The following PALM3 variants were observed in gnomAD, a reference collection of about 807,000 sequenced individuals.
The protein encoded by PALM3 is paralemmin 3, also known as paralemmin-3.
PALM3 carries 20 observed loss-of-function variants against 27.9 expected under a neutral mutation model. The observed-to-expected ratio is 0.72, with a 90% CI of 0.50 to 1.04. The LOEUF is 1.04. PALM3 is among the 50% of genes least tolerant of loss of function. The pLI, the probability that PALM3 is intolerant of heterozygous loss-of-function variation, is 0.00. For synonymous variants in PALM3, 328 were observed against 352.7 expected (o/e 0.93, Z 0.79); for missense variants, 814 against 869.4 (o/e 0.94, Z 0.80).
At position 14,054,951 on chromosome 19, in the gene PALM3, T is replaced by A. The variant is rs1331780198; in HGVS notation, c.721A>T (p.Arg241Trp). The A allele has an allele frequency of 1.3e-6, 2 of 1,549,690 alleles. No homozygotes were observed. Among genetic ancestry groups the A allele is most frequent in the East Asian group, 4.9e-5 (2 of 40,914 alleles). ...CCTGTGGCACAGTCCTCTGTGGCCCTCAGCCCTTCCCACACCACACTCACC... is the reference window on the plus strand; with the variant it reads ...CCTGTGGCACAGTCCTCTGTGGCCCACAGCCCTTCCCACACCACACTCACC... ...GVVSVVWEGL[R>W]ATEDCATGAT... The change falls in exon 7 of 7, where the codon AGG becomes TGG. Residue 241 changes from arginine to tryptophan, a missense_variant. By Grantham distance (101) the Arg-to-Trp change is moderately radical. Coordinates refer to ENST00000669674, the MANE Select transcript of PALM3 (RefSeq NM_001145028.2).
Position 14,054,280 on chromosome 19 carries a change from T to G in PALM3, c.1392A>C (p.Gly464=). ...TCTCTATGCCCAGTGGTTCCTCACC[T>G]CCTTCCCTCTCTGTTCCCAGCTTTT... ...SAEKLGTERE[G]GEEPLGIERK... is the part of the protein sequence containing the mutation. Residue 464 remains glycine, a synonymous_variant, in exon 7 of 7, where the codon GGA becomes GGC. Transcript: ENST00000669674. 6.4e-7 allele frequency: 1 copy of G among 1,552,214 alleles called. No homozygotes were observed. Among genetic ancestry groups the G allele is most frequent in the Non-Finnish European group, 8.7e-7 (1 of 1,147,100 alleles).
intron 2 of PALM3, among the ~76,000 whole-genome samples, chr19:14,057,953 C>T (rs1976341593): frequency 6.6e-6 from 1 of 152,030 alleles, no homozygotes; most frequent in South Asian, 2.1e-4. Context: ...ACTAAAAATA[C>T]AAAAATTAGC....
At position 14,054,807 on chromosome 19, in the gene PALM3, C is replaced by T. The variant is rs576725512; in HGVS notation, c.865G>A (p.Val289Met). The change falls in exon 7 of 7, where the codon GTG (valine) becomes ATG (methionine). Residue 289 changes from valine (V) to methionine (M), a missense_variant. Coordinates refer to ENST00000669674, the MANE Select transcript of PALM3 (RefSeq NM_001145028.2). ...CCCACCCCCTCCCAGACCACCTCCA[C>T]GATGCCCCTGTCCTCCTTCACCCAG... ...PAWVKEDRGI[V>M]EVVWEGVGGS... is the part of the protein sequence containing the mutation. The T allele has an allele frequency of 1.5e-5, 24 of 1,549,594 alleles. No homozygotes were observed. In the Admixed American group the frequency reaches 3.3e-4, roughly 22 times the overall value.
Position 14,053,567 on chromosome 19 carries a change from T to G in PALM3, c.*38A>C. On this transcript the variant is annotated 3_prime_UTR_variant, in exon 7 of 7. Coordinates refer to ENST00000669674, the MANE Select transcript of PALM3 (RefSeq NM_001145028.2). ...CTGGGTGCCAAGAGGCCGAGGTAGCTGTGAGAGGAGCTGGACATGGGGTGG... is the reference window on the plus strand; with the variant it reads ...CTGGGTGCCAAGAGGCCGAGGTAGCGGTGAGAGGAGCTGGACATGGGGTGG... 7.0e-7 allele frequency: 1 copy of G among 1,438,632 alleles called. No homozygotes were observed. The highest frequency in any genetic ancestry group is 9.1e-7 in the Non-Finnish European group (1 of 1,094,828). The allele number at this position is 1,438,632 out of a possible 1,614,324, so 89.1% of individuals were successfully genotyped here. A position where few individuals can be genotyped will look rare whatever the true frequency, so the allele number is the denominator to read the frequency against.
At chr19:14,057,212 C>G (rs980783670) in intron 3 of PALM3, 139 bp downstream of exon 3, 1 of 635,270 alleles carries the variant, frequency 1.6e-6, no homozygotes, top group African/African-American at 1.9e-5. Context: ...CCGCCCCGGC[C>G]AAGCTGGAAC....
chr19:14,057,498 C>G, intron 2 of PALM3, 67 bp from the exon 3 acceptor site: 1 of 1,283,376 alleles, frequency 7.8e-7, no homozygotes, highest in Non-Finnish European at 1.0e-6. Context: ...TCTTCCCTCC[C>G]TTTCCCCTCC....
intron 1 of PALM3, among the ~76,000 whole-genome samples, chr19:14,060,615 A>G (rs1599311044): frequency 6.6e-6 from 1 of 152,152 alleles, no homozygotes; most frequent in East Asian, 1.9e-4. Context: ...CATGGAGCCA[A>G]GATCAGAACT....
At chr19:14,060,340 C>T (rs1976394198) in intron 1 of PALM3, among the ~76,000 whole-genome samples, 3 of 151,742 alleles carry the variant, frequency 2.0e-5, no homozygotes, top group Admixed American at 2.0e-4. Flanking sequence ...TTCTAAGTGC[C>T]CCACGGGGTT....
At chr19:14,058,047 G>T (rs1976345965) in intron 2 of PALM3, among the ~76,000 whole-genome samples, 1 of 152,198 alleles carries the variant, frequency 6.6e-6, no homozygotes, top group Admixed American at 6.5e-5. Context: ...GGCGCAGGTT[G>T]CAGTGAGCGG....
At chr19:14,058,726 A>G (rs984579154) in intron 2 of PALM3, among the ~76,000 whole-genome samples, 1 of 151,910 alleles carries the variant, frequency 6.6e-6, no homozygotes, top group Non-Finnish European at 1.5e-5. Flanking sequence ...GAGATGGGGG[A>G]GTCCAGAGAG....
rs1976271359 is a variant in PALM3 at position 14,054,868 on chromosome 19, T to G, written c.804A>C (p.Gly268=). The G allele has an allele frequency of 1.3e-6, 2 of 1,548,742 alleles. No individual in the cohort carries two copies. Among genetic ancestry groups the G allele is most frequent in the African/African-American group, 2.7e-5 (2 of 72,920 alleles). Residue 268 remains glycine (G), a synonymous_variant, in exon 7 of 7, where the codon GGA becomes GGC. Transcript: ENST00000669674. ...CCAGGCTACCAGCTCCCTTCCTGTC[T>G]CCGATGGCTTCCAGCACCACTTCCT... ...KVEEVVLEAI[G]DRKGAGSLEL...
In PALM3 at chr19:14,054,392, G is replaced by C. The variant is rs75389771; in HGVS notation, c.1280C>G (p.Thr427Arg). The C allele has an allele frequency of 0.088, 135,946 of 1,551,756 alleles. 6,809 individuals carry two copies. Among genetic ancestry groups the C allele is most frequent in the Non-Finnish European group, 0.098 (112,871 of 1,146,976 alleles). ...TGACATCTCCGCTTCATCCCTCCCT[G>C]TCCCTGGCTTTTCCTCACTTCCTAT... ...MGIGSEEKPG[T>R]GRDEAEMSPV... Residue 427 changes from threonine to arginine, a missense_variant, in exon 7 of 7, where the codon ACA becomes AGA. Physicochemically the swap from Thr to Arg is moderately conservative, Grantham distance 71. Coordinates refer to ENST00000669674, the MANE Select transcript of PALM3 (RefSeq NM_001145028.2).
intron 5 of PALM3, 121 bp downstream of exon 5, chr19:14,056,308 A>T: frequency 1.0e-6 from 1 of 975,732 alleles, no homozygotes; most frequent in Non-Finnish European, 1.6e-6. Context: ...CGGGAAGCGG[A>T]TCTGAATGCA....
intron 3 of PALM3, among the ~76,000 whole-genome samples, chr19:14,057,071 T>A (rs183250740): frequency 6.6e-6 from 1 of 152,096 alleles, no homozygotes; most frequent in Non-Finnish European, 1.5e-5. Context: ...ACCCCAAAGC[T>A]AGACTTCGGC....
Position 14,060,216 on chromosome 19 carries a change from A to G in PALM3, c.42-1053T>C, listed in dbSNP as rs1976392856. On this transcript the variant is annotated intron_variant, in intron 1 of 6. Transcript: ENST00000669674. ...ACAGTCACCCTACTGGGTAAGCCTC[A>G]TTGCCTGAACTCCAGCTAGGACCTT... Among the ~76,000 whole-genome samples the G allele has an allele frequency of 1.3e-5, 2 of 152,094 alleles. 1 individual carries two copies. Among genetic ancestry groups the G allele is most frequent in the South Asian group, 4.2e-4 (2 of 4,812 alleles).
chr19:14,057,512 C>T, intron 2 of PALM3, 81 bp from the exon 3 acceptor site: 1 of 1,177,742 alleles, frequency 8.5e-7, no homozygotes. Context: ...CCCCTCCCTC[C>T]TCCGCGGGGC....
intron 1 of PALM3, among the ~76,000 whole-genome samples, chr19:14,060,820 G>T (rs1976402049): frequency 6.6e-6 from 1 of 152,050 alleles, no homozygotes; most frequent in Admixed American, 6.6e-5. Flanking sequence ...GAGTGCAATG[G>T]CTCAATCTCA....
At chr19:14,061,822 C>T in intron 1 of PALM3, 118 bp downstream of exon 1, 1 of 610,198 alleles carries the variant, frequency 1.6e-6, no homozygotes, top group South Asian at 7.2e-5. Context: ...CCCCTCCACT[C>T]CCCGGGTCCC....
intron 1 of PALM3, 141 bp from the exon 2 acceptor site, chr19:14,059,304 C>CG (rs1183148711): frequency 7.5e-6 from 6 of 799,178 alleles, no homozygotes; most frequent in African/African-American, 7.3e-5. Flanking sequence ...AGAGTCTGGG[C>CG]GGGGGGCGAG....
Sources: gnomAD v4.1 joint callset for allele counts (sites outside exome capture counted in the v4.1 genomes callset) on GRCh38, gnomAD v4.1.1 for gene constraint, MANE v1.5 for transcripts, NCBI Gene and HGNC (gene_info 2026-07-23, HGNC 2026-07-21) for gene names.